ZNF266: variants seen among roughly 807,000 people sequenced by gnomAD.
The protein encoded by ZNF266 is zinc finger protein 266.
Under a neutral mutation model 16.4 loss-of-function variants are expected in ZNF266, and 16 were observed. The observed-to-expected ratio is 0.98, with a 90% CI of 0.66 to 1.48. The LOEUF is 1.48. Among genes scored for constraint, ZNF266 ranks in the 40% most tolerant of loss-of-function variants. The pLI is 0.00. For missense variants in ZNF266, 738 were observed against 689.1 expected, an observed-to-expected ratio of 1.07 and a Z score of -0.79; for synonymous variants, 262 against 237.9, an observed-to-expected ratio of 1.10 and a Z score of -0.93.
chr19:9,424,220 C>CAAA (rs55740067), intron 5 of ZNF266, among the ~76,000 whole-genome samples: 4 of 121,624 alleles, frequency 3.3e-5, no homozygotes, highest in Admixed American at 8.5e-5. Flanking sequence ...AACCAAGAGG[C>CAAA]AAAAAAAAAA....
At chr19:9,415,377 T>A (rs1275968411) in intron 10 of ZNF266, among the ~76,000 whole-genome samples, 1 of 152,244 alleles carries the variant, frequency 6.6e-6, no homozygotes, top group Non-Finnish European at 1.5e-5. Context: ...AGAGTCATTA[T>A]CCCTTTTGGG....
intron 5 of ZNF266, among the ~76,000 whole-genome samples, chr19:9,426,280 GA>G (rs1023588234): frequency 7.2e-5 from 11 of 151,862 alleles, no homozygotes; most frequent in African/African-American, 2.7e-4. Context: ...GTAAACAAAG[GA>G]AAAAATATTT....
rs376221513 is a variant in ZNF266 at position 9,413,949 on chromosome 19, A to G, written c.1177T>C (p.Cys393Arg). 46 of 1,614,200 alleles carry G rather than the reference A, an allele frequency of 2.8e-5. No individual in the cohort carries two copies. In the African/African-American group the frequency reaches 4.0e-4, roughly 14 times the overall value. The change falls in exon 11 of 11, where the codon TGT (cysteine) becomes CGT (arginine). Residue 393 changes from cysteine to arginine, a missense_variant. By Grantham distance (180) the Cys-to-Arg change is radical. Coordinates refer to ENST00000592904, the MANE Select transcript of ZNF266 (RefSeq NM_001370374.1). ...CTAAAGGATTTTCCACATATCTTAC[A>G]TTCAAAGGGATCCTTTGCAGTGTGA... ...KTHTAKDPFE[C>R]KICGKSFRNS...
chr19:9,434,694 T>C (rs1245022206), intron 3 of ZNF266, 104 bp downstream of exon 3: 1 of 152,210 alleles, frequency 6.6e-6, no homozygotes, highest in Non-Finnish European at 1.5e-5. Context: ...TTAAATTTTC[T>C]GGGGTAATAG....
At position 9,413,904 on chromosome 19, in the gene ZNF266, C is replaced by G; in HGVS notation, c.1222G>C (p.Asp408His). ...KSFRNSSCLS[D>H]HFRIHTGIKP... ...ATTCCAGTGTGAATTCGAAAGTGAT[C>G]ACTGAGGCATGAGGAATTTCTAAAG... The change falls in exon 11 of 11, where the codon GAT becomes CAT. Residue 408 changes from aspartate (D) to histidine (H), a missense_variant. Transcript: ENST00000592904. The G allele has an allele frequency of 6.2e-7, 1 of 1,613,612 alleles. No individual in the cohort carries two copies. Among genetic ancestry groups the G allele is most frequent in the Non-Finnish European group, 8.5e-7 (1 of 1,179,888 alleles).
Position 9,414,069 on chromosome 19 carries a change from G to T in ZNF266, c.1057C>A (p.His353Asn). 6.2e-7 allele frequency: 1 copy of T among 1,614,010 alleles called. No individual in the cohort carries two copies. Among genetic ancestry groups the T allele is most frequent in the Non-Finnish European group, 8.5e-7 (1 of 1,179,986 alleles). Residue 353 changes from histidine (H) to asparagine (N), a missense_variant, in exon 11 of 11, where the codon CAT becomes AAT. Transcript: ENST00000592904. ...TTCTCACCCACATGGATTTTCATAT[G>T]TTGACTTAAGCAAGAGGAAACAGTG... The part of the protein sequence containing the change: ...AFTVSSCLSQ[H>N]MKIHVGEKPY...
In ZNF266 at chr19:9,433,720, A is replaced by C. The variant is rs2071993957; in HGVS notation, c.-182T>G. 2 of 151,886 alleles carry C rather than the reference A, an allele frequency of 1.3e-5. No individual in the cohort carries two copies. The highest frequency in any genetic ancestry group is 6.6e-5 in the Admixed American group (1 of 15,240). 9.4% of individuals were successfully genotyped at this position (151,886 alleles called of 1,614,324 possible). ...GTAATCCCAGCATTTTGGGAGGCCG[A>C]GGTGGGTGGATCACTTGAGGTCAGG... is the stretch of plus-strand genomic sequence containing the variant. On this transcript the variant is annotated 5_prime_UTR_variant, in exon 5 of 11. Coordinates refer to ENST00000592904, the MANE Select transcript of ZNF266 (RefSeq NM_001370374.1).
chr19:9,423,869 T>G (rs1027892311), intron 5 of ZNF266, among the ~76,000 whole-genome samples: 1 of 152,112 alleles, frequency 6.6e-6, no homozygotes, highest in African/African-American at 2.4e-5. Flanking sequence ...TGGTGACACA[T>G]GCCTGTAATC....
At position 9,413,251 on chromosome 19, in the gene ZNF266, C is replaced by T. The variant is rs1292665110; in HGVS notation, c.*24G>A. On this transcript the variant is annotated 3_prime_UTR_variant, in exon 11 of 11. Transcript: ENST00000592904. ...TTCATGTCTTCAGAGAGAACAGGGA[C>T]ACCTTTAGGTTTTCCCACATTCCTT... is the stretch of plus-strand genomic sequence containing the variant. 1.3e-6 allele frequency: 2 copies of T among 1,540,680 alleles called. No homozygotes were observed. Among genetic ancestry groups the T allele is most frequent in the South Asian group, 2.6e-5 (2 of 77,432 alleles).
At chr19:9,418,741 G>GTCCTCTCTATCCACACTCAC in intron 7 of ZNF266, 110 bp from the exon 8 acceptor site, 2 of 614,108 alleles carry the variant, frequency 3.3e-6, no homozygotes, top group Non-Finnish European at 5.9e-6. Context: ...ACCCCAGGAG[G>GTCCTCTCTATCCACACTCAC]TCCTCTCTAT....
In ZNF266 at chr19:9,414,348, A is replaced by C. The variant is rs200669098; in HGVS notation, c.778T>G (p.Phe260Val). ...ACAGCAAGGTCTGTGGAGTGAATAA[A>C]GCCTCTCCCACATTCCTTCCATTCA... ...LHEWKECGRGFIHSTDLAVRI... is the reference protein window; with the variant it reads ...LHEWKECGRGVIHSTDLAVRI... Residue 260 changes from phenylalanine (F) to valine (V), a missense_variant, in exon 11 of 11, where the codon TTT becomes GTT. Phe to Val is a conservative substitution (Grantham distance 50). Coordinates refer to ENST00000592904, the MANE Select transcript of ZNF266 (RefSeq NM_001370374.1). The C allele has an allele frequency of 8.4e-5, 136 of 1,614,142 alleles. No homozygotes were observed. Among genetic ancestry groups the C allele is most frequent in the Non-Finnish European group, 1.1e-4 (127 of 1,179,998 alleles).
intron 5 of ZNF266, among the ~76,000 whole-genome samples, chr19:9,423,129 G>T (rs6512121): frequency 0.56 from 85,184 of 151,972 alleles, 24,114 homozygotes; most frequent in Middle Eastern, 0.63. Context: ...AAGGCTATGT[G>T]TGGGCTCAGC....
chr19:9,434,793 C>T lies in ZNF266; in HGVS notation c.-410+5G>A, dbSNP rs2072209102. On this transcript the variant is annotated splice_donor_5th_base_variant and intron_variant, in intron 3 of 10. Coordinates refer to ENST00000592904, the MANE Select transcript of ZNF266 (RefSeq NM_001370374.1). Reference sequence around the variant, plus strand: ...TAAGTGTCACGCCTGCAATGTTCAACTTACTTCAAAGCCTCCATTCCTTCT... The same window carrying T: ...TAAGTGTCACGCCTGCAATGTTCAATTTACTTCAAAGCCTCCATTCCTTCT... 6.6e-6 allele frequency: 1 copy of T among 151,434 alleles called. No individual in the cohort carries two copies. 9.4% of individuals were successfully genotyped at this position (151,434 alleles called of 1,614,324 possible).
chr19:9,422,052 C>T (rs2069999396), intron 5 of ZNF266, among the ~76,000 whole-genome samples: 1 of 152,146 alleles, frequency 6.6e-6, no homozygotes. Flanking sequence ...GGGGTTTCAC[C>T]CTGTCAGCCA....
In ZNF266 at chr19:9,413,174, T is replaced by C. The variant is rs1274571707; in HGVS notation, c.*101A>G. On this transcript the variant is annotated 3_prime_UTR_variant, in exon 11 of 11. Coordinates refer to ENST00000592904, the MANE Select transcript of ZNF266 (RefSeq NM_001370374.1). ...CATATGTGTTCATTAAGACCTGAGA[T>C]ACAAAGTTGCTTCCACATTTTTACA... is the stretch of plus-strand genomic sequence containing the variant. 4 of 1,429,286 alleles carry C rather than the reference T, an allele frequency of 2.8e-6. 1 individual carries two copies. Among genetic ancestry groups the C allele is most frequent in the South Asian group, 2.9e-5 (2 of 70,130 alleles). 88.5% of individuals were successfully genotyped at this position (1,429,286 alleles called of 1,614,324 possible). A position where few individuals can be genotyped will look rare whatever the true frequency, so the allele number is the denominator to read the frequency against.
intron 5 of ZNF266, among the ~76,000 whole-genome samples, chr19:9,424,815 T>G (rs757312623): frequency 3.9e-5 from 6 of 152,226 alleles, no homozygotes; most frequent in Non-Finnish European, 7.3e-5. Context: ...AAGGACTGTT[T>G]GAACTGCGCA....
At chr19:9,430,600 T>C (rs886685719) in intron 5 of ZNF266, among the ~76,000 whole-genome samples, 1 of 152,166 alleles carries the variant, frequency 6.6e-6, no homozygotes, top group African/African-American at 2.4e-5. Flanking sequence ...CATAAGTTAT[T>C]TGGAACCCAG....
intron 5 of ZNF266, among the ~76,000 whole-genome samples, chr19:9,432,306 G>A (rs1371403654): frequency 1.3e-5 from 2 of 152,116 alleles, no homozygotes; most frequent in Admixed American, 6.5e-5. Context: ...TTGCTGTAGG[G>A]CATGTATGTG....
chr19:9,434,342 A>G (rs1034856707), intron 3 of ZNF266, 107 bp from the exon 4 acceptor site: 3 of 152,160 alleles, frequency 2.0e-5, no homozygotes, highest in Non-Finnish European at 4.4e-5. Flanking sequence ...AGCCTCCTCC[A>G]CTAGTTTACA....
Sources: gnomAD v4.1 joint callset for allele counts (sites outside exome capture counted in the v4.1 genomes callset) on GRCh38, gnomAD v4.1.1 for gene constraint, MANE v1.5 for transcripts, NCBI Gene and HGNC (gene_info 2026-07-23, HGNC 2026-07-21) for gene names.